Variants in TMEM108 observed in about 807,000 individuals in gnomAD.
TMEM108 encodes cancer/testis antigen 124.
TMEM108 carries 12 observed loss-of-function variants against 35.1 expected under a neutral mutation model. The observed-to-expected ratio is 0.34, with a 90% CI of 0.22 to 0.55. The LOEUF (loss-of-function observed/expected upper bound fraction) is 0.55, where lower values mean the gene tolerates loss of function less well. TMEM108 is among the 20% of genes least tolerant of loss of function. The probability of loss-of-function intolerance (pLI) is 0.89; values close to 1 mark genes in which losing one functional copy is unlikely to be tolerated. For missense variants in TMEM108, 680 were observed against 753.3 expected, an observed-to-expected ratio of 0.90 and a Z score of 1.14; for synonymous variants, 287 against 308.6, an observed-to-expected ratio of 0.93 and a Z score of 0.73.
intron 3 of TMEM108, among the ~76,000 whole-genome samples, chr3:133,254,656 C>A (rs1946520067): frequency 6.6e-6 from 1 of 152,132 alleles, no homozygotes; most frequent in Admixed American, 6.5e-5. Flanking sequence ...ATTAAGACTG[C>A]CAAAAACTTA....
intron 3 of TMEM108, among the ~76,000 whole-genome samples, chr3:133,325,468 A>C (rs1380833872): frequency 3.3e-5 from 5 of 152,192 alleles, no homozygotes; most frequent in African/African-American, 1.2e-4. Flanking sequence ...AAACTCATGA[A>C]ATTTTTAAAA....
intron 2 of TMEM108, among the ~76,000 whole-genome samples, chr3:133,226,774 T>A (rs1198457761): frequency 6.6e-6 from 1 of 152,196 alleles, no homozygotes; most frequent in Non-Finnish European, 1.5e-5. Context: ...TAAAAAATAC[T>A]GGAAGTGTAT....
At chr3:133,314,183 A>G (rs1453425144) in intron 3 of TMEM108, among the ~76,000 whole-genome samples, 1 of 152,216 alleles carries the variant, frequency 6.6e-6, no homozygotes, top group Admixed American at 6.5e-5. Context: ...CTTGAAAGAA[A>G]AGAAGTGGCT....
At chr3:133,223,666 A>G (rs1294349024) in intron 2 of TMEM108, among the ~76,000 whole-genome samples, 1 of 152,236 alleles carries the variant, frequency 6.6e-6, no homozygotes, top group Admixed American at 6.5e-5. Flanking sequence ...AATTGACCCA[A>G]GAGATTCAGC....
At chr3:133,306,775 C>T (rs1485526137) in intron 3 of TMEM108, among the ~76,000 whole-genome samples, 2 of 152,008 alleles carry the variant, frequency 1.3e-5, no homozygotes, top group African/African-American at 2.4e-5. Context: ...CATTGATGGA[C>T]GTTTGGGTTG....
At chr3:133,324,805 G>A (rs2071310037) in intron 3 of TMEM108, among the ~76,000 whole-genome samples, 2 of 152,128 alleles carry the variant, frequency 1.3e-5, no homozygotes, top group South Asian at 4.1e-4. Context: ...GTAAAACCCT[G>A]TGTCTACTAA....
chr3:133,071,514 A>G (rs947801340), intron 2 of TMEM108, among the ~76,000 whole-genome samples: 3 of 152,222 alleles, frequency 2.0e-5, no homozygotes, highest in African/African-American at 2.4e-5. Flanking sequence ...ACAACATGTA[A>G]ATTGGGGCAG....
chr3:133,254,396 A>G (rs1946515512), intron 3 of TMEM108, among the ~76,000 whole-genome samples: 1 of 152,216 alleles, frequency 6.6e-6, no homozygotes. Flanking sequence ...TGCAATATGA[A>G]TAACTCTAAG....
chr3:133,131,208 G>C (rs951034402), intron 2 of TMEM108, among the ~76,000 whole-genome samples: 1 of 152,096 alleles, frequency 6.6e-6, no homozygotes, highest in Non-Finnish European at 1.5e-5. Flanking sequence ...GGTTGTTTCA[G>C]CATTTTACAG....
chr3:133,202,725 A>C (rs777655199), intron 2 of TMEM108, among the ~76,000 whole-genome samples: 1 of 152,102 alleles, frequency 6.6e-6, no homozygotes, highest in Non-Finnish European at 1.5e-5. Flanking sequence ...GTCAGGTAGC[A>C]TGATGCCTCC....
chr3:133,100,945 TAAC>T (rs956544842), intron 2 of TMEM108, among the ~76,000 whole-genome samples: 29 of 152,346 alleles, frequency 1.9e-4, no homozygotes, highest in African/African-American at 6.7e-4. Flanking sequence ...GTGTGTATAA[TAAC>T]TGATTTTTAG....
At chr3:133,233,364 T>A (rs1416348710) in intron 3 of TMEM108, among the ~76,000 whole-genome samples, 4 of 145,482 alleles carry the variant, frequency 2.7e-5, no homozygotes, top group African/African-American at 9.8e-5. Context: ...ACAAAGGACA[T>A]AAACTCATCA....
At chr3:133,120,270 C>G (rs1944336349) in intron 2 of TMEM108, among the ~76,000 whole-genome samples, 1 of 152,164 alleles carries the variant, frequency 6.6e-6, no homozygotes, top group Non-Finnish European at 1.5e-5. Flanking sequence ...AGGAACTCTG[C>G]AAGAAGATTG....
chr3:133,289,116 G>A (rs1947026766), intron 3 of TMEM108, among the ~76,000 whole-genome samples: 2 of 152,088 alleles, frequency 1.3e-5, no homozygotes, highest in African/African-American at 4.8e-5. Flanking sequence ...TCCTAACTAT[G>A]GGGAGTGGAG....
intron 2 of TMEM108, among the ~76,000 whole-genome samples, chr3:133,089,781 A>C (rs1943926521): frequency 6.6e-6 from 1 of 152,264 alleles, no homozygotes; most frequent in South Asian, 2.1e-4. Context: ...TAGTTCATTC[A>C]TAAACTGACC....
intron 2 of TMEM108, among the ~76,000 whole-genome samples, chr3:133,153,585 C>T (rs1944833051): frequency 1.3e-5 from 2 of 152,146 alleles, no homozygotes; most frequent in South Asian, 4.1e-4. Flanking sequence ...TATCACTTCT[C>T]CTTTTTATTC....
intron 3 of TMEM108, among the ~76,000 whole-genome samples, chr3:133,230,304 CTTCATCT>C (rs1346710492): frequency 6.6e-6 from 1 of 152,204 alleles, no homozygotes; most frequent in Admixed American, 6.5e-5. Flanking sequence ...GTGCAAAGCA[CTTCATCT>C]ACAGACAGCA....
intron 2 of TMEM108, among the ~76,000 whole-genome samples, chr3:133,113,655 C>A (rs1475175668): frequency 1.3e-5 from 2 of 152,172 alleles, no homozygotes; most frequent in African/African-American, 4.8e-5. Flanking sequence ...GTCAAGATGA[C>A]ATGTCCTCAC....
At chr3:133,246,191 A>G (rs1576408639) in intron 3 of TMEM108, 1 of 152,222 alleles carries the variant, frequency 6.6e-6, no homozygotes, top group African/African-American at 2.4e-5. Context: ...CACTTGCAAC[A>G]TTTCAAGTTC....
Sources: gnomAD v4.1 joint callset for allele counts (sites outside exome capture counted in the v4.1 genomes callset) on GRCh38, gnomAD v4.1.1 for gene constraint, MANE v1.5 for transcripts, NCBI Gene and HGNC (gene_info 2026-07-23, HGNC 2026-07-21) for gene names.